PPFIA2: variants seen among roughly 807,000 people sequenced by gnomAD.
The protein encoded by PPFIA2 is liprin-alpha-2.
A neutral mutation model predicts 175.5 loss-of-function variants in PPFIA2; 46 were observed. The observed-to-expected ratio is 0.26, with a 90% CI of 0.21 to 0.34. The LOEUF (loss-of-function observed/expected upper bound fraction) is 0.34, where lower values mean the gene tolerates loss of function less well. Ranked by LOEUF, PPFIA2 falls within the 10% of genes least tolerant of loss-of-function variation. The probability of loss-of-function intolerance (pLI) is 1.00; values close to 1 mark genes in which losing one functional copy is unlikely to be tolerated. For missense variants in PPFIA2, 1,179 were observed against 1,506.1 expected (o/e 0.78, Z 3.60); for synonymous variants, 568 against 511.4 (o/e 1.11, Z -1.49).
chr12:81,603,497 A>G (rs2059992439), intron 4 of PPFIA2, among the ~76,000 whole-genome samples: 1 of 151,564 alleles, frequency 6.6e-6, no homozygotes, highest in Non-Finnish European at 1.5e-5. Context: ...AGCTTTTATT[A>G]TATTGGAGGA....
chr12:81,483,167 T>C (rs2058440589), intron 4 of PPFIA2, among the ~76,000 whole-genome samples: 1 of 152,160 alleles, frequency 6.6e-6, no homozygotes, highest in Non-Finnish European at 1.5e-5. Context: ...ATTTGAAATG[T>C]TAGAGTTACC....
At chr12:81,556,771 C>T (rs2068946426) in intron 4 of PPFIA2, among the ~76,000 whole-genome samples, 1 of 151,656 alleles carries the variant, frequency 6.6e-6, no homozygotes, top group South Asian at 2.1e-4. Flanking sequence ...GGCCTAAAAC[C>T]TGGGGGCTAC....
intron 7 of PPFIA2, among the ~76,000 whole-genome samples, chr12:81,437,332 C>T (rs897335653): frequency 3.3e-5 from 5 of 152,122 alleles, no homozygotes; most frequent in African/African-American, 4.8e-5. Flanking sequence ...AGGGTTCACG[C>T]CATTCTCCTG....
intron 22 of PPFIA2, chr12:81,302,145 T>A (rs1373935219): frequency 2.4e-6 from 1 of 409,426 alleles, no homozygotes; most frequent in East Asian, 7.5e-5. Flanking sequence ...TGTCCTATAA[T>A]GTTTTGTTTT....
At chr12:81,359,554 C>T (rs184368899) in intron 15 of PPFIA2, among the ~76,000 whole-genome samples, 24 of 151,900 alleles carry the variant, frequency 1.6e-4, no homozygotes, top group Admixed American at 1.5e-3. Flanking sequence ...TTTTAGTCAC[C>T]TTCCTATGTC....
chr12:81,328,484 T>C (rs1020329598), intron 21 of PPFIA2, among the ~76,000 whole-genome samples: 3 of 152,218 alleles, frequency 2.0e-5, no homozygotes, highest in African/African-American at 4.8e-5. Context: ...TTATTGTTTC[T>C]ATATCAGGTT....
intron 4 of PPFIA2, among the ~76,000 whole-genome samples, chr12:81,620,986 T>C (rs11114940): frequency 0.061 from 9,292 of 152,270 alleles, 414 homozygotes; most frequent in East Asian, 0.23. Flanking sequence ...GAATGAAATG[T>C]GAGCAAAACG....
chr12:81,327,513 T>C (rs2055068575), intron 21 of PPFIA2, among the ~76,000 whole-genome samples: 1 of 152,058 alleles, frequency 6.6e-6, no homozygotes, highest in African/African-American at 2.4e-5. Flanking sequence ...CAAATAATAA[T>C]AAAAATGTTT....
chr12:81,726,398 A>AT (rs1001219819), intron 3 of PPFIA2, among the ~76,000 whole-genome samples: 9 of 151,146 alleles, frequency 6.0e-5, no homozygotes, highest in Non-Finnish European at 7.4e-5. Flanking sequence ...ATCTCTTCCC[A>AT]TTTTTAGTAA....
chr12:81,362,228 C>T (rs979796714), intron 15 of PPFIA2, among the ~76,000 whole-genome samples: 3 of 149,958 alleles, frequency 2.0e-5, no homozygotes, highest in African/African-American at 4.9e-5. Flanking sequence ...TAGGTAGATG[C>T]TAAGTGACCA....
At chr12:81,419,116 G>A (rs1341591477) in intron 7 of PPFIA2, among the ~76,000 whole-genome samples, 1 of 151,806 alleles carries the variant, frequency 6.6e-6, no homozygotes, top group African/African-American at 2.4e-5. Flanking sequence ...TTATTCTTTG[G>A]TTACTGATAT....
chr12:81,284,909 G>T (rs1055147781), intron 24 of PPFIA2, among the ~76,000 whole-genome samples: 1 of 152,132 alleles, frequency 6.6e-6, no homozygotes, highest in Non-Finnish European at 1.5e-5. Context: ...AGCTGAGAAA[G>T]AAGTGAAATG....
intron 3 of PPFIA2, among the ~76,000 whole-genome samples, chr12:81,698,845 G>A (rs2076183829): frequency 6.6e-6 from 1 of 151,846 alleles, no homozygotes; most frequent in Non-Finnish European, 1.5e-5. Context: ...TTAAAGTAGT[G>A]GTTTTGAGTA....
intron 17 of PPFIA2, among the ~76,000 whole-genome samples, chr12:81,350,675 A>G (rs545296403): frequency 1.3e-4 from 20 of 152,276 alleles, no homozygotes; most frequent in Non-Finnish European, 2.9e-4. Flanking sequence ...CCTAAGAACA[A>G]TTGAATGGTT....
At chr12:81,615,014 C>T (rs952009006) in intron 4 of PPFIA2, among the ~76,000 whole-genome samples, 8 of 152,014 alleles carry the variant, frequency 5.3e-5, no homozygotes, top group South Asian at 2.1e-4. Flanking sequence ...TTGTGTGACA[C>T]GGATTTTAAA....
intron 4 of PPFIA2, among the ~76,000 whole-genome samples, chr12:81,664,640 G>C (rs916589302): frequency 1.3e-5 from 2 of 151,994 alleles, no homozygotes; most frequent in Non-Finnish European, 2.9e-5. Flanking sequence ...GATTCCTCAG[G>C]GATCTAGAAC....
rs75636375 is a variant in PPFIA2 at position 81,575,757 on chromosome 12, T to C, written c.303+101034A>G. ...TTATATTAGCTATGATGAGATTCAG[T>C]TGCATATGTAAGTATCACGAAATAA... On this transcript the variant is annotated intron_variant, in intron 4 of 32. Coordinates refer to ENST00000549396, the MANE Select transcript of PPFIA2 (RefSeq NM_003625.5). Among the ~76,000 whole-genome samples, 180 of 151,920 alleles carry C rather than the reference T, an allele frequency of 1.2e-3. 2 individuals carry two copies. The East Asian group carries it at 0.029, about 24-fold the overall frequency.
At chr12:81,496,869 T>C (rs2147253917) in intron 4 of PPFIA2, among the ~76,000 whole-genome samples, 1 of 152,282 alleles carries the variant, frequency 6.6e-6, no homozygotes, top group East Asian at 1.9e-4. Context: ...AAAATAAATC[T>C]GAGAAGTTGG....
intron 23 of PPFIA2, among the ~76,000 whole-genome samples, chr12:81,297,044 G>A (rs1227148428): frequency 6.6e-6 from 1 of 152,122 alleles, no homozygotes; most frequent in African/African-American, 2.4e-5. Context: ...TCTCACTCTG[G>A]AGTAAGTCAG....
Sources: gnomAD v4.1 joint callset for allele counts (sites outside exome capture counted in the v4.1 genomes callset) on GRCh38, gnomAD v4.1.1 for gene constraint, MANE v1.5 for transcripts, NCBI Gene and HGNC (gene_info 2026-07-23, HGNC 2026-07-21) for gene names.